Variants in CELF2 observed in about 807,000 individuals in gnomAD.
The protein encoded by CELF2 is CUGBP Elav-like family member 2, also known as CUG triplet repeat RNA-binding protein 2.
In CELF2, 8 loss-of-function variants were observed where a neutral mutation model predicts 62.6. The observed-to-expected ratio is 0.13, with a 90% CI of 0.07 to 0.23. CELF2 has a LOEUF of 0.23. Among genes scored for constraint, CELF2 ranks in the 10% least tolerant of loss-of-function variants. CELF2 has a pLI of 1.00. For synonymous variants in CELF2, 258 were observed against 250.0 expected (o/e 1.03, Z -0.30); for missense variants, 333 against 671.0 (o/e 0.50, Z 5.56).
chr10:11,315,730 C>T lies in CELF2; in HGVS notation c.1096+1472C>T, dbSNP rs376795982. On this transcript the variant is annotated intron_variant, in intron 10 of 12. Coordinates refer to ENST00000633077, the MANE Select transcript of CELF2 (RefSeq NM_001326342.2). The surrounding 1 kb of genome is among the most constrained non-coding windows in gnomAD (Gnocchi z 5.8). ...CTCATTGTTTTATTCCAGTTAGAAC[C>T]GCCTCCAGCTTTGACTTTTCCAGCA... 3.3e-5 allele frequency among the ~76,000 whole-genome samples: 5 copies of T among 152,156 alleles called. No homozygotes were observed. The highest frequency in any genetic ancestry group is 3.8e-4 in the East Asian group (2 of 5,196).
chr10:10,927,353 A>AAAAAAAAAAAAAAAAAAC (rs1564832515), intron 2 of CELF2: 3 of 135,588 alleles, frequency 2.2e-5, no homozygotes, highest in African/African-American at 7.6e-5. Context: ...CATTAAAAAA[A>AAAAAAAAAAAAAAAAAAC]AAAAAAAAAA....
At chr10:10,775,607 C>T in the CELF2 span, among the ~76,000 whole-genome samples, 4 of 115,442 alleles carry the variant, frequency 3.5e-5, no homozygotes, top group Non-Finnish European at 5.2e-5. Context: ...GAGAGAGACT[C>T]TGTCTCAAAA....
At chr10:10,895,610 A>G (rs888709218) in intron 1 of CELF2, among the ~76,000 whole-genome samples, 9 of 152,152 alleles carry the variant, frequency 5.9e-5, no homozygotes, top group Non-Finnish European at 8.8e-5. Flanking sequence ...GAAAATTTCA[A>G]TTTCACAATT....
the CELF2 span, among the ~76,000 whole-genome samples, chr10:10,588,052 G>C: frequency 6.6e-6 from 1 of 150,848 alleles, no homozygotes; most frequent in Non-Finnish European, 1.5e-5. Flanking sequence ...TAGCTGTCTT[G>C]AAGATGAAGG....
the CELF2 span, among the ~76,000 whole-genome samples, chr10:10,693,842 G>A: frequency 1.3e-5 from 2 of 151,814 alleles, no homozygotes; most frequent in Non-Finnish European, 2.9e-5. Flanking sequence ...GTATTTCCGT[G>A]GGATCAGTAG....
chr10:10,761,816 C>T, the CELF2 span, among the ~76,000 whole-genome samples: 6 of 152,002 alleles, frequency 3.9e-5, no homozygotes, highest in African/African-American at 1.5e-4. Context: ...GGAGCTAAAC[C>T]ATGGGCTCCT....
intron 1 of CELF2, among the ~76,000 whole-genome samples, chr10:11,076,171 T>C (rs2071860945): frequency 6.6e-6 from 1 of 151,936 alleles, no homozygotes. Context: ...GGGGGAAGCT[T>C]GTTAACAGCA....
chr10:11,087,934 G>A (rs1294448652), intron 1 of CELF2, among the ~76,000 whole-genome samples: 1 of 152,210 alleles, frequency 6.6e-6, no homozygotes, highest in Non-Finnish European at 1.5e-5. Flanking sequence ...TGGAGTAGAA[G>A]ATGATTAACT....
intron 2 of CELF2, among the ~76,000 whole-genome samples, chr10:11,195,121 C>T (rs1029606667): frequency 5.9e-5 from 9 of 152,226 alleles, no homozygotes; most frequent in African/African-American, 9.6e-5. Flanking sequence ...CGTCAGCATT[C>T]GACCATGAAC....
intron 1 of CELF2, among the ~76,000 whole-genome samples, chr10:11,137,888 G>A (rs1344110542): frequency 1.3e-5 from 2 of 152,178 alleles, no homozygotes; most frequent in African/African-American, 4.8e-5. Flanking sequence ...CTTGTAATGT[G>A]TACCCAAAGA....
At chr10:11,225,138 C>T (rs1363289938) in intron 3 of CELF2, among the ~76,000 whole-genome samples, 2 of 151,976 alleles carry the variant, frequency 1.3e-5, no homozygotes, top group African/African-American at 4.8e-5. Context: ...TATTTCAGGC[C>T]CGTACCCTCA....
chr10:11,320,634 C>T (rs2095385409), intron 10 of CELF2, among the ~76,000 whole-genome samples: 1 of 152,184 alleles, frequency 6.6e-6, no homozygotes, highest in Non-Finnish European at 1.5e-5. Flanking sequence ...CACTGTAACT[C>T]CTCAAACTGC....
chr10:11,045,741 C>A (rs1055277127), intron 1 of CELF2, among the ~76,000 whole-genome samples: 1 of 152,092 alleles, frequency 6.6e-6, no homozygotes, highest in African/African-American at 2.4e-5. Context: ...GTACATCATT[C>A]CATTTGTTGA....
chr10:10,931,645 G>A lies in CELF2; in HGVS notation c.89+11646G>A, dbSNP rs2066071484. The stretch of plus-strand genomic sequence containing the variant: ...CCAAATTAGGCTTTCAACGTAATAG[G>A]TTTCTGCGTATGGTTTACAAGTTTT... On this transcript the variant is annotated intron_variant, in intron 2 of 13. Coordinates refer to the CELF2 transcript ENST00000636488. The surrounding 1 kb of genome is among the most constrained non-coding windows in gnomAD (Gnocchi z 6.1). Among the ~76,000 whole-genome samples, 1 of 152,086 alleles carries A rather than the reference G, an allele frequency of 6.6e-6. No homozygotes were observed. The highest frequency in any genetic ancestry group is 1.5e-5 in the Non-Finnish European group (1 of 68,004).
the CELF2 span, among the ~76,000 whole-genome samples, chr10:10,538,708 A>G: frequency 6.6e-6 from 1 of 152,180 alleles, no homozygotes. Context: ...TAACGTTGGA[A>G]CCATTATGAG....
At chr10:10,854,446 A>G (rs1393199337) in intron 1 of CELF2, among the ~76,000 whole-genome samples, 1 of 152,230 alleles carries the variant, frequency 6.6e-6, no homozygotes, top group Non-Finnish European at 1.5e-5. Flanking sequence ...GTGAGTTTAT[A>G]GGCATCCTTC....
chr10:10,999,745 G>A (rs1187744826), intron 2 of CELF2, among the ~76,000 whole-genome samples: 1 of 152,210 alleles, frequency 6.6e-6, no homozygotes, highest in Non-Finnish European at 1.5e-5. Flanking sequence ...CAGGAAGGAA[G>A]GCTGATCCAC....
At chr10:11,254,515 C>G (rs1432513913) in intron 4 of CELF2, among the ~76,000 whole-genome samples, 1 of 152,166 alleles carries the variant, frequency 6.6e-6, no homozygotes, top group Non-Finnish European at 1.5e-5. Flanking sequence ...GCTAGGAAGT[C>G]AGCATTTCTT....
chr10:10,593,401 T>G, the CELF2 span, among the ~76,000 whole-genome samples: 1 of 152,326 alleles, frequency 6.6e-6, no homozygotes, highest in African/African-American at 2.4e-5. Flanking sequence ...AAGTTCACCT[T>G]GGATTCTTCA....
Sources: gnomAD v4.1 joint callset for allele counts (sites outside exome capture counted in the v4.1 genomes callset) on GRCh38, gnomAD v4.1.1 for gene constraint, Gnocchi (gnomAD v3.1) non-coding constraint, MANE v1.5 for transcripts, NCBI Gene and HGNC (gene_info 2026-07-23, HGNC 2026-07-21) for gene names.